Variants in SYCP2 observed in about 807,000 individuals in gnomAD.
SYCP2 encodes synaptonemal complex lateral element protein.
Under a neutral mutation model 211.3 loss-of-function variants are expected in SYCP2, and 55 were observed. That is an observed-to-expected ratio of 0.26 (90% CI 0.21 to 0.33). SYCP2 has a LOEUF of 0.33. SYCP2 is among the 10% of genes least tolerant of loss of function. The pLI, the probability that SYCP2 is intolerant of heterozygous loss-of-function variation, is 1.00. For synonymous variants in SYCP2, 570 were observed against 555.2 expected, an observed-to-expected ratio of 1.03 and a Z score of -0.37; for missense variants, 1,731 against 1,752.0, an observed-to-expected ratio of 0.99 and a Z score of 0.21.
At chr20:59,869,376 A>C (rs1347162301) in intron 36 of SYCP2, among the ~76,000 whole-genome samples, 1 of 151,790 alleles carries the variant, frequency 6.6e-6, no homozygotes, top group East Asian at 1.9e-4. Context: ...ACTTAGGTCT[A>C]GCTCAAATCG....
chr20:59,876,661 A>G lies in SYCP2; in HGVS notation c.3150+724T>C, dbSNP rs539810977. On this transcript the variant is annotated intron_variant, in intron 33 of 44. Transcript: ENST00000357552. ...TTTCTCAGTTGTAAAATGGGATGAC[A>G]CTAATAGTACTAATTACCTATAGTA... Among the ~76,000 whole-genome samples, 160 of 152,040 alleles carry G rather than the reference A, an allele frequency of 1.1e-3. 1 individual carries two copies. Among genetic ancestry groups the G allele is most frequent in the Non-Finnish European group, 1.8e-3 (119 of 67,966 alleles).
rs938414813 is a variant in SYCP2 at position 59,900,944 on chromosome 20, A to G, written c.1183-126T>C. 10 of 700,074 alleles carry G rather than the reference A, an allele frequency of 1.4e-5. No homozygotes were observed. In the African/African-American group the frequency reaches 1.8e-4, roughly 12 times the overall value. The allele number at this position is 700,074 out of a possible 1,614,324, so 43.4% of individuals were successfully genotyped here. On this transcript the variant is annotated intron_variant, in intron 16 of 44. Transcript: ENST00000357552. ...CTTCCAAAATTGCCAAATATCCCAA[A>G]TTATTACTTTGCATATATGAATACC...
chr20:59,878,288 T>G (rs2059600092), intron 31 of SYCP2, among the ~76,000 whole-genome samples: 1 of 152,152 alleles, frequency 6.6e-6, no homozygotes, highest in East Asian at 1.9e-4. Context: ...TACACTATTT[T>G]GGAAGCTTTT....
At chr20:59,874,158 G>C (rs1407655645) in intron 34 of SYCP2, 97 bp from the exon 35 acceptor site, 8 of 602,264 alleles carry the variant, frequency 1.3e-5, no homozygotes, top group African/African-American at 1.9e-5. Context: ...CTAAGAATTT[G>C]TCAGATCTTC....
intron 13 of SYCP2, 91 bp from the exon 14 acceptor site, chr20:59,911,936 AC>A: frequency 1.9e-6 from 1 of 519,800 alleles, no homozygotes; most frequent in Non-Finnish European, 3.3e-6. Context: ...AAGCAAGAAA[AC>A]AAAGCTAGAA....
intron 39 of SYCP2, among the ~76,000 whole-genome samples, chr20:59,867,454 TA>T (rs11476334): frequency 0.091 from 9,292 of 101,822 alleles, 478 homozygotes; most frequent in African/African-American, 0.19. Flanking sequence ...AACTGTCCAG[TA>T]AAAAAAAAAA....
Position 59,881,512 on chromosome 20 carries a change from A to C in SYCP2, c.2659-20T>G, listed in dbSNP as rs532552769. On this transcript the variant is annotated intron_variant, in intron 28 of 44. Transcript: ENST00000357552. ...TTGGATCTATATTGTAAATAAACAAAAAAAAAGAGGTGTCAGTGTCAAAAT... is the reference window on the plus strand; with the variant it reads ...TTGGATCTATATTGTAAATAAACAACAAAAAAGAGGTGTCAGTGTCAAAAT... The C allele has an allele frequency of 3.0e-6, 4 of 1,325,376 alleles. No homozygotes were observed. In the African/African-American group the frequency reaches 4.6e-5, roughly 15 times the overall value. The allele number at this position is 1,325,376 out of a possible 1,614,324, so 82.1% of individuals were successfully genotyped here.
Position 59,864,044 on chromosome 20 carries a change from ATAAT to A in SYCP2, c.*263_*266del, listed in dbSNP as rs1283333919. Reference sequence around the variant, plus strand: ...TATTAAAGAAACTCATTTTATGAGTATAATTAACTCAAAAAGTTTCTTAAAGCTT... The same window carrying A: ...TATTAAAGAAACTCATTTTATGAGTATAACTCAAAAAGTTTCTTAAAGCTT... On this transcript the variant is annotated 3_prime_UTR_variant, in exon 45 of 45. Coordinates refer to ENST00000357552, the MANE Select transcript of SYCP2 (RefSeq NM_014258.4). The A allele has an allele frequency of 1.7e-5, 4 of 234,636 alleles. No individual in the cohort carries two copies. The highest frequency in any genetic ancestry group is 5.6e-5 in the Admixed American group (1 of 17,914). The allele number at this position is 234,636 out of a possible 1,614,324, so 14.5% of individuals were successfully genotyped here.
intron 31 of SYCP2, among the ~76,000 whole-genome samples, chr20:59,879,165 T>C (rs1372318371): frequency 6.6e-6 from 1 of 152,102 alleles, no homozygotes; most frequent in Admixed American, 6.6e-5. Flanking sequence ...TATTTATCTT[T>C]GGCTGCTTCA....
rs1476639203 is a variant in SYCP2, at chr20:59,933,635, T to A, written c.-206A>T. The stretch of plus-strand genomic sequence containing the variant: ...CCTATGCCGCCGAGCGTCGCAACTC[T>A]GCGCCTCAGGGACCGCCGCAGCGCC... On this transcript the variant is annotated 5_prime_UTR_variant, in exon 1 of 45. Coordinates refer to ENST00000357552, the MANE Select transcript of SYCP2 (RefSeq NM_014258.4). 6.6e-6 allele frequency: 1 copy of A among 151,980 alleles called. No individual in the cohort carries two copies. Among genetic ancestry groups the A allele is most frequent in the Non-Finnish European group, 1.5e-5 (1 of 68,032 alleles). The allele number at this position is 151,980 out of a possible 1,614,324, so 9.4% of individuals were successfully genotyped here. A position where few individuals can be genotyped will look rare whatever the true frequency, so the allele number is the denominator to read the frequency against.
At chr20:59,913,851 T>G in intron 12 of SYCP2, 124 bp downstream of exon 12, 1 of 585,226 alleles carries the variant, frequency 1.7e-6, no homozygotes, top group Middle Eastern at 4.9e-4. Flanking sequence ...CTATGCACAT[T>G]CTACACTCCA....
rs1190535339 is a variant in SYCP2 at position 59,880,358 on chromosome 20, C to A, written c.2886G>T (p.Gln962His). The A allele has an allele frequency of 6.3e-7, 1 of 1,599,686 alleles. No homozygotes were observed. The highest frequency in any genetic ancestry group is 1.1e-5 in the South Asian group (1 of 89,732). The change falls in exon 31 of 45, where the codon CAG (glutamine) becomes CAT (histidine). Residue 962 changes from glutamine (Q) to histidine (H), a missense_variant. Gln to His is a conservative substitution (Grantham distance 24). Transcript: ENST00000357552. Reference protein sequence around the residue: ...SWLREPKSKPQLIDYSRNKNV... With the variant: ...SWLREPKSKPHLIDYSRNKNV... ...TTTTATTTCTGCTATAGTCTATTAG[C>A]TGTGGTTTTGATTTCGGTTCTCTTA...
At chr20:59,901,368 G>A (rs1265191306) in intron 16 of SYCP2, among the ~76,000 whole-genome samples, 2 of 151,884 alleles carry the variant, frequency 1.3e-5, no homozygotes, top group African/African-American at 2.4e-5. Flanking sequence ...TAATTCTCAC[G>A]ATGTTTAAGA....
chr20:59,879,566 A>G (rs964315625), intron 31 of SYCP2, among the ~76,000 whole-genome samples: 8 of 151,664 alleles, frequency 5.3e-5, no homozygotes, highest in Admixed American at 4.6e-4. Context: ...ATTGATGTTC[A>G]GCTATGAAAA....
In SYCP2 at chr20:59,932,155, C is replaced by A. The variant is rs955375021; in HGVS notation, c.-139-1G>T. On this transcript the variant is annotated splice_acceptor_variant, in intron 1 of 44. Transcript: ENST00000357552. LOFTEE classifies it low-confidence loss of function (5UTR_SPLICE). ...AACTAGTAAGATGATGATTGTGTAT[C>A]TGCAGGCAGATAAAAGCGTTACGGA... 2.6e-5 allele frequency: 4 copies of A among 152,170 alleles called. No homozygotes were observed. The highest frequency in any genetic ancestry group is 9.7e-5 in the African/African-American group (4 of 41,422). 9.4% of individuals were successfully genotyped at this position (152,170 alleles called of 1,614,324 possible).
intron 2 of SYCP2, among the ~76,000 whole-genome samples, chr20:59,928,769 A>G (rs1184357555): frequency 1.3e-5 from 2 of 152,188 alleles, no homozygotes; most frequent in Non-Finnish European, 2.9e-5. Context: ...TGTGGAAAAA[A>G]TAACATTAGA....
intron 31 of SYCP2, among the ~76,000 whole-genome samples, chr20:59,878,460 G>T (rs1482286972): frequency 6.6e-6 from 1 of 151,966 alleles, no homozygotes; most frequent in Admixed American, 6.6e-5. Context: ...TTATTTTATA[G>T]AACTTTTTAA....
rs1568905265 is a variant in SYCP2 at position 59,869,766 on chromosome 20, GGAAA to G, written c.3741+28_3741+31del. The G allele has an allele frequency of 4.3e-6, 6 of 1,406,814 alleles. No individual in the cohort carries two copies. In the Admixed American group the frequency reaches 7.3e-5, roughly 17 times the overall value. The allele number at this position is 1,406,814 out of a possible 1,614,324, so 87.1% of individuals were successfully genotyped here. A position where few individuals can be genotyped will look rare whatever the true frequency, so the allele number is the denominator to read the frequency against. ...TCTTATAAGAACCATCTTAGTGTAA[GGAAA>G]ATTTATAAGTTATAGTCCCACACTT... On this transcript the variant is annotated intron_variant, in intron 36 of 44. Transcript: ENST00000357552.
intron 15 of SYCP2, among the ~76,000 whole-genome samples, chr20:59,902,638 CAAATGTCCTATAGGCTATG>C (rs1338616563): frequency 6.6e-6 from 1 of 152,104 alleles, no homozygotes; most frequent in Non-Finnish European, 1.5e-5. Flanking sequence ...GCCTAAGGGA[CAAATGTCCTATAGGCTATG>C]AAATGTCCTG....
Sources: gnomAD v4.1 joint callset for allele counts (sites outside exome capture counted in the v4.1 genomes callset) on GRCh38, gnomAD v4.1.1 for gene constraint, MANE v1.5 for transcripts, NCBI Gene and HGNC (gene_info 2026-07-23, HGNC 2026-07-21) for gene names.